The following GFRA1 variants were observed in gnomAD, a reference collection of about 807,000 sequenced individuals.
GFRA1 encodes the protein GDNF family receptor alpha 1, also known as GDNF family receptor alpha-1.
Under a neutral mutation model 51.6 loss-of-function variants are expected in GFRA1, and 16 were observed. That is an observed-to-expected ratio of 0.31 (90% CI 0.21 to 0.47). GFRA1 has a LOEUF of 0.47. Ranked by LOEUF, GFRA1 falls within the 20% of genes least tolerant of loss-of-function variation. The pLI, the probability that GFRA1 is intolerant of heterozygous loss-of-function variation, is 1.00. For synonymous variants in GFRA1, 270 were observed against 241.3 expected, an observed-to-expected ratio of 1.12 and a Z score of -1.10; for missense variants, 530 against 594.3, an observed-to-expected ratio of 0.89 and a Z score of 1.13.
chr10:116,195,495 C>T (rs1318809937), intron 5 of GFRA1, among the ~76,000 whole-genome samples: 1 of 152,220 alleles, frequency 6.6e-6, no homozygotes, highest in African/African-American at 2.4e-5. Flanking sequence ...AAGGAGTGTG[C>T]AACCTAGATT....
chr10:116,220,832 C>T (rs915051504), intron 4 of GFRA1, among the ~76,000 whole-genome samples: 1 of 152,200 alleles, frequency 6.6e-6, no homozygotes, highest in African/African-American at 2.4e-5. Context: ...TAGCTGCAAT[C>T]TTTTCCAGTT....
chr10:116,136,477 A>G (rs1958329974), intron 5 of GFRA1, among the ~76,000 whole-genome samples: 1 of 152,194 alleles, frequency 6.6e-6, no homozygotes, highest in Non-Finnish European at 1.5e-5. Flanking sequence ...AAGAATCCAA[A>G]ACCCCCCTCT....
chr10:116,266,024 G>C (rs1031946380), intron 4 of GFRA1, among the ~76,000 whole-genome samples: 1 of 152,106 alleles, frequency 6.6e-6, no homozygotes, highest in Non-Finnish European at 1.5e-5. Flanking sequence ...AAAACAGGAC[G>C]GTTTTTAGAT....
chr10:116,224,978 G>C (rs568392394), intron 4 of GFRA1, among the ~76,000 whole-genome samples: 16 of 152,202 alleles, frequency 1.1e-4, no homozygotes, highest in African/African-American at 3.9e-4. Context: ...TCAAATGCTA[G>C]ACACTATAGC....
intron 5 of GFRA1, among the ~76,000 whole-genome samples, chr10:116,132,781 A>G (rs576520612): frequency 6.6e-6 from 1 of 152,258 alleles, no homozygotes; most frequent in East Asian, 1.9e-4. Context: ...TACTACCTCA[A>G]TGACTTGAGG....
intron 7 of GFRA1, 95 bp downstream of exon 7, chr10:116,096,559 AT>A: frequency 1.4e-6 from 1 of 739,060 alleles, no homozygotes; most frequent in Non-Finnish European, 2.4e-6. Flanking sequence ...TTACTGTGAG[AT>A]TTTCACTTCT....
At chr10:116,208,757 C>T (rs1428788337) in intron 5 of GFRA1, among the ~76,000 whole-genome samples, 1 of 152,192 alleles carries the variant, frequency 6.6e-6, no homozygotes, top group Non-Finnish European at 1.5e-5. Context: ...GATGAGCATT[C>T]AAAACGTGCT....
chr10:116,087,068 T>C (rs1336355411), intron 9 of GFRA1, among the ~76,000 whole-genome samples: 1 of 152,192 alleles, frequency 6.6e-6, no homozygotes, highest in Admixed American at 6.5e-5. Context: ...TCCTTCTGTT[T>C]AGGAAGCAGA....
chr10:116,255,529 C>A, intron 4 of GFRA1: 1 of 1,049,774 alleles, frequency 9.5e-7, no homozygotes, highest in Non-Finnish European at 1.2e-6. Context: ...CACTAGGTTT[C>A]CACCATGTTC....
intron 5 of GFRA1, among the ~76,000 whole-genome samples, chr10:116,198,172 T>C (rs145206407): frequency 1.6e-3 from 244 of 152,296 alleles, no homozygotes; most frequent in Middle Eastern, 0.014. Flanking sequence ...CATTAATTTA[T>C]AGACCTCCCT....
rs1338884775 is a variant in GFRA1, at chr10:116,138,639, C to CT, written c.434-13083_434-13082insA. Among the ~76,000 whole-genome samples, 117 of 133,668 alleles carry CT rather than the reference C, an allele frequency of 8.8e-4. 1 individual carries two copies. Among genetic ancestry groups the CT allele is most frequent in the African/African-American group, 3.1e-3 (114 of 36,296 alleles). 87.7% of individuals were successfully genotyped at this position (133,668 alleles called of 152,430 possible). On this transcript the variant is annotated intron_variant, in intron 5 of 10. Coordinates refer to ENST00000355422, the MANE Select transcript of GFRA1 (RefSeq NM_005264.8). ...AAACAAAGCAAGATGGTAGGAACCC[C>CT]CCCCCGACCCACCCAACACACACCT...
chr10:116,129,100 C>T (rs1957998226), intron 5 of GFRA1, among the ~76,000 whole-genome samples: 1 of 152,200 alleles, frequency 6.6e-6, no homozygotes, highest in Admixed American at 6.5e-5. Context: ...TAATTCATAG[C>T]TCACAGGTGA....
chr10:116,199,030 A>G (rs970370586), intron 5 of GFRA1, among the ~76,000 whole-genome samples: 1 of 152,138 alleles, frequency 6.6e-6, no homozygotes, highest in Non-Finnish European at 1.5e-5. Context: ...AGGCCAGGGA[A>G]TACTACGGGC....
rs80236358 is a variant in GFRA1 at position 116,232,513 on chromosome 10, A to G, written c.419-20868T>C. 2.6e-3 allele frequency among the ~76,000 whole-genome samples: 398 copies of G among 152,288 alleles called. 1 individual carries two copies. The highest frequency in any genetic ancestry group is 0.01 in the Middle Eastern group (3 of 294). On this transcript the variant is annotated intron_variant, in intron 4 of 10. Coordinates refer to ENST00000355422, the MANE Select transcript of GFRA1 (RefSeq NM_005264.8). ...AATGTTTCCTCATACAAAAAAAAAAAAAATACTAATCCTGGTGTTTAATGA... is the reference window on the plus strand; with the variant it reads ...AATGTTTCCTCATACAAAAAAAAAAGAAATACTAATCCTGGTGTTTAATGA...
chr10:116,117,306 A>G (rs1957448909), intron 6 of GFRA1, among the ~76,000 whole-genome samples: 1 of 151,854 alleles, frequency 6.6e-6, no homozygotes, highest in Non-Finnish European at 1.5e-5. Flanking sequence ...ACTCTCTTCC[A>G]TGCCAGTCAT....
intron 4 of GFRA1, among the ~76,000 whole-genome samples, chr10:116,264,466 C>T (rs1041241611): frequency 1.3e-5 from 2 of 152,192 alleles, no homozygotes; most frequent in Non-Finnish European, 2.9e-5. Context: ...AAGTCTCCGA[C>T]TTTCCAGTGG....
intron 5 of GFRA1, among the ~76,000 whole-genome samples, chr10:116,200,117 T>C (rs1006313139): frequency 1.4e-4 from 21 of 152,242 alleles, no homozygotes; most frequent in African/African-American, 5.1e-4. Context: ...CTCCTACTGA[T>C]GGACACCTGG....
intron 5 of GFRA1, among the ~76,000 whole-genome samples, chr10:116,184,316 T>G (rs1962506414): frequency 6.6e-6 from 1 of 152,196 alleles, no homozygotes; most frequent in South Asian, 2.1e-4. Context: ...AGGCCAGTTA[T>G]CTCCTGGCCA....
At position 116,145,835 on chromosome 10, in the gene GFRA1, G is replaced by A. The variant is rs554280963; in HGVS notation, c.434-20278C>T. On this transcript the variant is annotated intron_variant, in intron 5 of 10. Coordinates refer to ENST00000355422, the MANE Select transcript of GFRA1 (RefSeq NM_005264.8). ...ATGGAAGACAGGATAAATAAACTAT[G>A]GTATATTCACACAATGAAATACTAC... 4.6e-5 allele frequency among the ~76,000 whole-genome samples: 7 copies of A among 152,068 alleles called. No individual in the cohort carries two copies. In the East Asian group the frequency reaches 1.2e-3, roughly 25 times the overall value.
Sources: allele counts gnomAD v4.1 joint callset (sites outside exome capture counted in the v4.1 genomes callset), GRCh38; gene constraint gnomAD v4.1.1; transcripts MANE v1.5; gene names NCBI Gene and HGNC (gene_info 2026-07-23, HGNC 2026-07-21).